Variants in OTC observed in about 807,000 individuals in gnomAD.
The protein encoded by OTC is ornithine transcarbamylase, mitochondrial.
Under a neutral mutation model 30.3 loss-of-function variants are expected in OTC, and 3 were observed. The observed-to-expected ratio is 0.10, with a 90% CI of 0.05 to 0.26. The LOEUF (loss-of-function observed/expected upper bound fraction) is 0.26. OTC is among the 10% of genes least tolerant of loss of function. The pLI is 1.00. For synonymous variants in OTC, 111 were observed against 99.7 expected, an observed-to-expected ratio of 1.11 and a Z score of -0.67; for missense variants, 194 against 260.3, an observed-to-expected ratio of 0.75 and a Z score of 1.75.
the OTC span, among the ~76,000 whole-genome samples, chrX:38,339,379 G>A: frequency 7.6e-4 from 84 of 110,905 alleles, 1 homozygote; most frequent in East Asian, 0.015. Flanking sequence ...GTCCAAGATC[G>A]TTCCCTTTAT....
chrX:38,377,253 A>G (rs1335647998), intron 3 of OTC, among the ~76,000 whole-genome samples: 2 of 112,122 alleles, frequency 1.8e-5, no homozygotes, highest in Non-Finnish European at 3.8e-5. Flanking sequence ...AAATTTAAAT[A>G]GTTCTTGAAA....
chrX:38,398,377 T>C (rs2147339717), intron 4 of OTC, among the ~76,000 whole-genome samples: 1 of 112,354 alleles, frequency 8.9e-6, no homozygotes, highest in Admixed American at 9.4e-5. Flanking sequence ...ACTGTAAAGT[T>C]CGAGAAAACC....
intron 4 of OTC, among the ~76,000 whole-genome samples, chrX:38,389,313 T>C (rs2068419638): frequency 9.0e-6 from 1 of 110,828 alleles, no homozygotes; most frequent in Non-Finnish European, 1.9e-5. Flanking sequence ...TCATTGCTAT[T>C]CTCAAATAAT....
At position 38,370,522 on chromosome X, in the gene OTC, A is replaced by G. The variant is rs1179626125; in HGVS notation, c.298+645A>G. 5.4e-5 allele frequency among the ~76,000 whole-genome samples: 6 copies of G among 111,438 alleles called. No homozygotes were observed. The South Asian group carries it at 2.3e-3, about 43-fold the overall frequency. On this transcript the variant is annotated intron_variant, in intron 3 of 9. Transcript: ENST00000039007. ...GGTTTGCTTCACTCTCATTGAAAGA[A>G]CTCATATTGAGACAACCAAGTATAA...
At chrX:38,369,901 C>G (rs370435522) in intron 3 of OTC, 24 bp downstream of exon 3, 30 of 1,062,161 alleles carry the variant, frequency 2.8e-5, no homozygotes, top group Non-Finnish European at 3.7e-5. Context: ...CAAATTCACA[C>G]TTGTGTTGAA....
chrX:38,369,923 A>G (rs750308138), intron 3 of OTC, 46 bp downstream of exon 3: 1 of 929,116 alleles, frequency 1.1e-6, no homozygotes, highest in South Asian at 2.0e-5. Context: ...AGAGGGATTG[A>G]AGGTGAAGAC....
chrX:38,412,121 T>A, intron 9 of OTC, 122 bp downstream of exon 9: 2 of 666,407 alleles, frequency 3.0e-6, no homozygotes, highest in Admixed American at 5.2e-5. Flanking sequence ...TCATGTAACA[T>A]CTATTTTTTT....
the OTC span, among the ~76,000 whole-genome samples, chrX:38,331,938 G>T: frequency 1.8e-5 from 2 of 110,632 alleles, no homozygotes; most frequent in African/African-American, 6.6e-5. Context: ...GCAACCCCAG[G>T]CCACGAATTT....
intron 1 of OTC, among the ~76,000 whole-genome samples, chrX:38,366,943 C>T (rs1267979312): frequency 4.5e-5 from 5 of 111,061 alleles, no homozygotes; most frequent in Non-Finnish European, 9.4e-5. Flanking sequence ...ATCAAGAGGC[C>T]GAGGCAGGCG....
intron 3 of OTC, among the ~76,000 whole-genome samples, chrX:38,374,938 C>A (rs573657208): frequency 1.2e-3 from 140 of 112,431 alleles, no homozygotes; most frequent in Non-Finnish European, 2.3e-3. Context: ...AACTTCATTA[C>A]GTTGCTTCAT....
chrX:38,421,897 A>G (rs1385715457), downstream of OTC, among the ~76,000 whole-genome samples: 2 of 106,528 alleles, frequency 1.9e-5, no homozygotes, highest in African/African-American at 7.0e-5. Context: ...CCATAAATCT[A>G]CTACTTGCAA....
At chrX:38,410,244 C>G (rs1194917514) in intron 8 of OTC, among the ~76,000 whole-genome samples, 1 of 111,613 alleles carries the variant, frequency 9.0e-6, no homozygotes, top group Non-Finnish European at 1.9e-5. Flanking sequence ...AATGAACTTG[C>G]TTATCCATAT....
At chrX:38,376,227 T>C (rs774995773) in intron 3 of OTC, among the ~76,000 whole-genome samples, 12 of 111,301 alleles carry the variant, frequency 1.1e-4, no homozygotes, top group African/African-American at 3.6e-4. Context: ...ACAAAGAGCT[T>C]TGCTGCAAAG....
chrX:38,387,067 T>C (rs983645352), intron 4 of OTC, among the ~76,000 whole-genome samples: 1 of 112,720 alleles, frequency 8.9e-6, no homozygotes, highest in African/African-American at 3.2e-5. Context: ...GAGCACATTT[T>C]CATATACCTT....
intron 3 of OTC, among the ~76,000 whole-genome samples, chrX:38,376,869 G>A (rs749825769): frequency 2.7e-5 from 3 of 112,191 alleles, no homozygotes; most frequent in African/African-American, 9.7e-5. Context: ...AAGTTAAATA[G>A]AACCTAATGC....
intron 2 of OTC, among the ~76,000 whole-genome samples, 182 bp downstream of exon 2, chrX:38,367,611 T>A (rs1208087840): frequency 1.8e-5 from 2 of 112,013 alleles, no homozygotes; most frequent in Non-Finnish European, 3.8e-5. Context: ...AGCATAAAAA[T>A]CAGTTATTGA....
chrX:38,367,545 A>C lies in OTC; in HGVS notation c.216+116A>C, dbSNP rs765320956. The C allele has an allele frequency of 1.3e-5, 8 of 606,018 alleles. No individual in the cohort carries two copies. The Admixed American group carries it at 2.1e-4, about 16-fold the overall frequency. 49.9% of individuals were successfully genotyped at this position (606,018 alleles called of 1,213,427 possible). ...AAAATTCTTAAACAGTAGCTAAGTAATGAAACCTCACAGTCAAGGTAATTG... is the reference window on the plus strand; with the variant it reads ...AAAATTCTTAAACAGTAGCTAAGTACTGAAACCTCACAGTCAAGGTAATTG... On this transcript the variant is annotated intron_variant, in intron 2 of 9. Coordinates refer to ENST00000039007, the MANE Select transcript of OTC (RefSeq NM_000531.6).
chrX:38,334,169 A>G, the OTC span, among the ~76,000 whole-genome samples: 1 of 112,329 alleles, frequency 8.9e-6, no homozygotes. Context: ...GCTTAGGTTA[A>G]TATCTCTTAT....
At chrX:38,404,821 A>G (rs975479296) in intron 6 of OTC, among the ~76,000 whole-genome samples, 1 of 111,329 alleles carries the variant, frequency 9.0e-6, no homozygotes, top group Non-Finnish European at 1.9e-5. Flanking sequence ...TTCTGGGGAC[A>G]TGGGGTTTGG....
Sources: gnomAD v4.1 joint callset for allele counts (sites outside exome capture counted in the v4.1 genomes callset) on GRCh38, gnomAD v4.1.1 for gene constraint, MANE v1.5 for transcripts, NCBI Gene and HGNC (gene_info 2026-07-23, HGNC 2026-07-21) for gene names.